The following VAV2 variants were observed in gnomAD, a reference collection of about 807,000 sequenced individuals.
The protein encoded by VAV2 is vav guanine nucleotide exchange factor 2, also known as guanine nucleotide exchange factor VAV2.
In VAV2, 67 loss-of-function variants were observed where a neutral mutation model predicts 132.5. The observed-to-expected ratio is 0.51, with a 90% CI of 0.42 to 0.62. VAV2 has a LOEUF of 0.62. Ranked by LOEUF, VAV2 falls within the 20% of genes least tolerant of loss-of-function variation. The probability of loss-of-function intolerance (pLI) is 0.00; values close to 1 mark genes in which losing one functional copy is unlikely to be tolerated. For synonymous variants in VAV2, 492 were observed against 443.5 expected (o/e 1.11, Z -1.37); for missense variants, 938 against 1,153.6 (o/e 0.81, Z 2.71).
intron 1 of VAV2, among the ~76,000 whole-genome samples, chr9:133,958,036 A>C (rs1412314080): frequency 7.1e-6 from 1 of 140,818 alleles, no homozygotes; most frequent in Non-Finnish European, 1.6e-5. Context: ...ACCACTCCCT[A>C]ATCTCAAGTA....
At chr9:133,984,706 G>A (rs1484823551) in intron 1 of VAV2, among the ~76,000 whole-genome samples, 1 of 151,964 alleles carries the variant, frequency 6.6e-6, no homozygotes, top group African/African-American at 2.4e-5. Flanking sequence ...AAATGCATAG[G>A]CTACCAGCAT....
At chr9:133,990,615 C>T (rs1842985484) in intron 1 of VAV2, among the ~76,000 whole-genome samples, 1 of 152,214 alleles carries the variant, frequency 6.6e-6, no homozygotes, top group Non-Finnish European at 1.5e-5. Flanking sequence ...GCCCCTGGAA[C>T]TCATATCAAA....
chr9:133,850,121 C>G (rs1158855940), intron 3 of VAV2, among the ~76,000 whole-genome samples: 1 of 152,224 alleles, frequency 6.6e-6, no homozygotes, highest in East Asian at 1.9e-4. Flanking sequence ...ACCACCAGCT[C>G]TGCCCATCAG....
At position 133,833,227 on chromosome 9, in the gene VAV2, G is replaced by C. The variant is rs1187306487; in HGVS notation, c.449+1045C>G. Among the ~76,000 whole-genome samples the C allele has an allele frequency of 6.6e-6, 1 of 152,174 alleles. No individual in the cohort carries two copies. Among genetic ancestry groups the C allele is most frequent in the African/African-American group, 2.4e-5 (1 of 41,434 alleles). On this transcript the variant is annotated intron_variant, in intron 4 of 29. Transcript: ENST00000371850. The surrounding 1 kb of genome is among the most constrained non-coding windows in gnomAD (Gnocchi z 5.6). ...TGTGTATATACACAGGGATCCTGCG[G>C]AAAGTATTTTCCTGGGCCCTGCAAG...
At chr9:133,898,992 T>C (rs1839333618) in intron 2 of VAV2, among the ~76,000 whole-genome samples, 1 of 151,628 alleles carries the variant, frequency 6.6e-6, no homozygotes, top group African/African-American at 2.4e-5. Context: ...CGGCTAATTT[T>C]TTGTATTTTT....
At chr9:133,904,136 C>T (rs879734776) in intron 2 of VAV2, among the ~76,000 whole-genome samples, 61 of 152,270 alleles carry the variant, frequency 4.0e-4, no homozygotes, top group South Asian at 4.1e-4. Context: ...CACAGATGAG[C>T]GAATGGGGCT....
chr9:133,836,406 C>T (rs1836475705), intron 3 of VAV2, among the ~76,000 whole-genome samples: 1 of 152,312 alleles, frequency 6.6e-6, no homozygotes, highest in Non-Finnish European at 1.5e-5. Flanking sequence ...TCTCCAACCT[C>T]GTCAGTCATT....
intron 1 of VAV2, among the ~76,000 whole-genome samples, chr9:133,972,276 T>C (rs888938888): frequency 4.6e-5 from 7 of 152,212 alleles, no homozygotes; most frequent in African/African-American, 1.7e-4. Flanking sequence ...GGCACGCCCC[T>C]CAGCTCCCGC....
At chr9:133,856,986 A>C (rs766263944) in intron 3 of VAV2, among the ~76,000 whole-genome samples, 32 of 152,326 alleles carry the variant, frequency 2.1e-4, no homozygotes, top group Non-Finnish European at 4.0e-4. Flanking sequence ...ACAGACACAG[A>C]GCAACCCCGC....
At chr9:133,858,492 T>G (rs995171984) in intron 3 of VAV2, among the ~76,000 whole-genome samples, 1 of 151,906 alleles carries the variant, frequency 6.6e-6, no homozygotes. Flanking sequence ...CCCCGGGGCC[T>G]TTTCCATTTG....
At position 133,840,014 on chromosome 9, in the gene VAV2, C is replaced by T. The variant is rs750561835; in HGVS notation, c.381-5674G>A. On this transcript the variant is annotated intron_variant, in intron 3 of 29. Coordinates refer to ENST00000371850, the MANE Select transcript of VAV2 (RefSeq NM_001134398.2). The surrounding 1 kb of genome is among the most constrained non-coding windows in gnomAD (Gnocchi z 4.5). ...CCCCGCCCCCGAGGCCATCTTCAGG[C>T]ACCAGCTGATTTTCCTTCCCGCACT... is the stretch of plus-strand genomic sequence containing the variant. Among the ~76,000 whole-genome samples the T allele has an allele frequency of 6.6e-6, 1 of 152,172 alleles. No individual in the cohort carries two copies. Among genetic ancestry groups the T allele is most frequent in the Non-Finnish European group, 1.5e-5 (1 of 68,018 alleles).
At chr9:133,859,935 G>C (rs577168153) in intron 3 of VAV2, among the ~76,000 whole-genome samples, 2 of 152,182 alleles carry the variant, frequency 1.3e-5, no homozygotes, top group Non-Finnish European at 2.9e-5. Context: ...GGGCACCGGG[G>C]TTTTGACTGC....
chr9:133,992,126 G>A lies in VAV2; in HGVS notation c.153C>T (p.Ser51=), dbSNP rs752516654. 4 of 1,594,474 alleles carry A rather than the reference G, an allele frequency of 2.5e-6. No individual in the cohort carries two copies. The highest frequency in any genetic ancestry group is 2.7e-5 in the African/African-American group (2 of 73,296). Residue 51 remains serine (S), a synonymous_variant, in exon 1 of 30, where the codon TCC becomes TCT. Transcript: ENST00000371850. The surrounding 1 kb of genome is among the most constrained non-coding windows in gnomAD (Gnocchi z 5.5). ...TGTCCTTGAGGTCGATGGAGCCGGG[G>A]GAGAGGTTGTGCAGCAGCTGGCACA... The part of the protein sequence containing the change: ...VLLCQLLHNL[S]PGSIDLKDIN...
chr9:133,866,105 C>A (rs12005860), intron 2 of VAV2, among the ~76,000 whole-genome samples: 1 of 152,194 alleles, frequency 6.6e-6, no homozygotes, highest in Non-Finnish European at 1.5e-5. Flanking sequence ...CATGATGCAA[C>A]CCCCGCTGTT....
At chr9:133,911,607 T>G (rs982748657) in intron 2 of VAV2, among the ~76,000 whole-genome samples, 3 of 152,232 alleles carry the variant, frequency 2.0e-5, no homozygotes, top group African/African-American at 7.2e-5. Flanking sequence ...CCCCACTGTA[T>G]GGCCAGTGTC....
chr9:133,963,990 A>C (rs1169458386), intron 1 of VAV2, among the ~76,000 whole-genome samples: 6 of 145,694 alleles, frequency 4.1e-5, no homozygotes, highest in Admixed American at 6.9e-5. Flanking sequence ...GGTGATAAGA[A>C]GACTAGTAAA....
intron 2 of VAV2, among the ~76,000 whole-genome samples, chr9:133,897,881 G>T (rs957560670): frequency 6.6e-6 from 1 of 152,070 alleles, no homozygotes; most frequent in Non-Finnish European, 1.5e-5. Flanking sequence ...TCCCTGCCAG[G>T]GAGACAGCAG....
intron 2 of VAV2, among the ~76,000 whole-genome samples, chr9:133,866,760 T>C (rs7026854): frequency 0.076 from 11,260 of 147,450 alleles, 1,318 homozygotes; most frequent in African/African-American, 0.26. Flanking sequence ...GGGCCGAGAT[T>C]GCACCACTGC....
chr9:133,812,818 C>T (rs896621471), intron 4 of VAV2, among the ~76,000 whole-genome samples: 5 of 152,198 alleles, frequency 3.3e-5, no homozygotes, highest in Non-Finnish European at 5.9e-5. Flanking sequence ...CATGGTCCTA[C>T]TCCAACAAGC....
Sources: allele counts gnomAD v4.1 joint callset (sites outside exome capture counted in the v4.1 genomes callset), GRCh38; gene constraint gnomAD v4.1.1; non-coding constraint Gnocchi (gnomAD v3.1); transcripts MANE v1.5; gene names NCBI Gene and HGNC (gene_info 2026-07-23, HGNC 2026-07-21).